Variants in LRIF1 observed in about 807,000 individuals in gnomAD.
LRIF1 encodes ligand dependent nuclear receptor interacting factor 1, also known as ligand-dependent nuclear receptor-interacting factor 1.
Under a neutral mutation model 52.7 loss-of-function variants are expected in LRIF1, and 32 were observed. The observed-to-expected ratio is 0.61, with a 90% CI of 0.46 to 0.82. LRIF1 has a LOEUF of 0.82. LRIF1 is among the 40% of genes least tolerant of loss of function. The pLI is 0.00. For synonymous variants in LRIF1, 323 were observed against 317.4 expected (o/e 1.02, Z -0.19); for missense variants, 887 against 892.0 (o/e 0.99, Z 0.07).
At chr1:110,927,202 A>G in the LRIF1 span, among the ~76,000 whole-genome samples, 1 of 152,160 alleles carries the variant, frequency 6.6e-6, no homozygotes, top group East Asian at 1.9e-4. Flanking sequence ...AGAATAGTGT[A>G]TAGTTACGTT....
the LRIF1 span, among the ~76,000 whole-genome samples, chr1:110,935,791 A>G: frequency 6.6e-6 from 1 of 152,182 alleles, no homozygotes; most frequent in Non-Finnish European, 1.5e-5. Flanking sequence ...TCAAAGGGAT[A>G]ATAATAGAGA....
chr1:110,914,847 A>G, the LRIF1 span, among the ~76,000 whole-genome samples: 1 of 152,232 alleles, frequency 6.6e-6, no homozygotes, highest in Non-Finnish European at 1.5e-5. Context: ...AGGAAACCTG[A>G]TTAACTGCTG....
intron 1 of LRIF1, among the ~76,000 whole-genome samples, chr1:110,962,049 C>CA (rs951315397): frequency 7.3e-6 from 1 of 137,526 alleles, no homozygotes; most frequent in African/African-American, 2.8e-5. Context: ...AACTGGATAA[C>CA]AGAGTTAAGG....
At chr1:110,880,016 T>C in the LRIF1 span, among the ~76,000 whole-genome samples, 1 of 152,194 alleles carries the variant, frequency 6.6e-6, no homozygotes, top group African/African-American at 2.4e-5. Context: ...CTCAAGCCCA[T>C]TGGAGGAAAC....
chr1:110,930,444 G>A, the LRIF1 span, among the ~76,000 whole-genome samples: 14 of 152,096 alleles, frequency 9.2e-5, no homozygotes, highest in South Asian at 6.2e-4. Flanking sequence ...TCTTTTCCCC[G>A]CTTGCAGATG....
the LRIF1 span, among the ~76,000 whole-genome samples, chr1:110,898,817 T>C: frequency 6.6e-6 from 1 of 152,152 alleles, no homozygotes; most frequent in Non-Finnish European, 1.5e-5. Flanking sequence ...TAGAGATAAC[T>C]CATTGCACAG....
the LRIF1 span, among the ~76,000 whole-genome samples, chr1:110,879,535 A>G: frequency 6.6e-6 from 1 of 152,168 alleles, no homozygotes; most frequent in African/African-American, 2.4e-5. Context: ...AGTGCACATT[A>G]GCATATAACA....
the LRIF1 span, among the ~76,000 whole-genome samples, chr1:110,889,003 C>T: frequency 3.3e-5 from 5 of 152,284 alleles, no homozygotes; most frequent in African/African-American, 1.2e-4. Context: ...TGGGACTTGA[C>T]ATATTTTATC....
At chr1:110,917,118 A>G in the LRIF1 span, among the ~76,000 whole-genome samples, 2 of 152,170 alleles carry the variant, frequency 1.3e-5, no homozygotes, top group African/African-American at 4.8e-5. Context: ...ATCCTCCTTC[A>G]GGTTCTCCTA....
chr1:110,917,992 A>G, the LRIF1 span, among the ~76,000 whole-genome samples: 6 of 152,196 alleles, frequency 3.9e-5, no homozygotes, highest in Non-Finnish European at 8.8e-5. Flanking sequence ...TCATTGATAG[A>G]TTAAATATGT....
the LRIF1 span, chr1:110,892,401 C>T: frequency 1.9e-5 from 30 of 1,613,770 alleles, no homozygotes; most frequent in East Asian, 2.2e-5. Context: ...ACAACAACTT[C>T]GGAGTGCTCT....
downstream of LRIF1, chr1:110,943,395 G>A (rs1347524953): frequency 3.3e-5 from 5 of 152,224 alleles, no homozygotes; most frequent in East Asian, 9.6e-4. Context: ...ACAGGTGTTT[G>A]ATGACTTTCA....
At chr1:110,934,207 G>C in the LRIF1 span, among the ~76,000 whole-genome samples, 1 of 152,200 alleles carries the variant, frequency 6.6e-6, no homozygotes, top group African/African-American at 2.4e-5. Context: ...GTACTATGTT[G>C]AGGGCTTTAG....
At chr1:110,921,745 T>C in the LRIF1 span, among the ~76,000 whole-genome samples, 2 of 152,206 alleles carry the variant, frequency 1.3e-5, no homozygotes, top group African/African-American at 2.4e-5. Flanking sequence ...GATAGTGCTA[T>C]GGTTTAGACG....
intron 1 of LRIF1, among the ~76,000 whole-genome samples, chr1:110,955,520 T>C (rs1294030748): frequency 1.3e-5 from 2 of 152,218 alleles, no homozygotes; most frequent in East Asian, 3.8e-4. Flanking sequence ...TGATGCAATG[T>C]TAAGCCAAAG....
At chr1:110,938,515 T>C in the LRIF1 span, 1 of 152,162 alleles carries the variant, frequency 6.6e-6, no homozygotes, top group Non-Finnish European at 1.5e-5. Flanking sequence ...ACATCTTTCA[T>C]GACAAAAACC....
intron 2 of LRIF1, 130 bp downstream of exon 2, chr1:110,951,156 CAT>C (rs1381127248): frequency 1.4e-6 from 1 of 709,006 alleles, no homozygotes; most frequent in African/African-American, 1.8e-5. Flanking sequence ...CTTAAATACT[CAT>C]ATGTGTATAG....
intron 1 of LRIF1, among the ~76,000 whole-genome samples, chr1:110,957,666 T>C (rs992436552): frequency 6.6e-6 from 1 of 152,148 alleles, no homozygotes; most frequent in Non-Finnish European, 1.5e-5. Context: ...AAGTTAAAAT[T>C]ACTCTCTATT....
At chr1:110,960,381 A>G (rs1376445030) in intron 1 of LRIF1, among the ~76,000 whole-genome samples, 9 of 152,152 alleles carry the variant, frequency 5.9e-5, no homozygotes, top group African/African-American at 2.2e-4. Flanking sequence ...TGTACACAAC[A>G]AAATGCATAC....
Sources: allele counts gnomAD v4.1 joint callset (sites outside exome capture counted in the v4.1 genomes callset), GRCh38; gene constraint gnomAD v4.1.1; transcripts MANE v1.5; gene names NCBI Gene and HGNC (gene_info 2026-07-23, HGNC 2026-07-21).